The following BBS4 variants were observed in gnomAD, a reference collection of about 807,000 sequenced individuals.
The protein encoded by BBS4 is Bardet-Biedl syndrome 4.
A neutral mutation model predicts 71.4 loss-of-function variants in BBS4; 58 were observed. That is an observed-to-expected ratio of 0.81 (90% confidence interval 0.66 to 1.01). BBS4 has a LOEUF of 1.01. Among genes scored for constraint, BBS4 ranks in the 50% least tolerant of loss-of-function variants. The pLI is 0.00. For missense variants in BBS4, 660 were observed against 607.9 expected, an observed-to-expected ratio of 1.09 and a Z score of -0.90; for synonymous variants, 228 against 216.8, an observed-to-expected ratio of 1.05 and a Z score of -0.46.
At chr15:72,709,985 A>G (rs745945165) in intron 3 of BBS4, among the ~76,000 whole-genome samples, 1 of 152,084 alleles carries the variant, frequency 6.6e-6, no homozygotes, top group Non-Finnish European at 1.5e-5. Context: ...CAACAAACAA[A>G]TATTAATTGC....
Position 72,712,256 on chromosome 15 carries a change from G to C in BBS4, c.169G>C (p.Glu57Gln). Residue 57 changes from glutamate to glutamine, a missense_variant, in exon 4 of 16, where the codon GAA becomes CAA. By Grantham distance (29) the Glu-to-Gln change is conservative. Transcript: ENST00000268057. ...DYEACKAVIK[E>Q]QLQETQGLCE... is the part of the protein sequence containing the mutation. ...CTCCCTCTTTCAGGCTGTTATCAAA[G>C]AACAGCTTCAAGAGACTCAGGGATT... is the stretch of plus-strand genomic sequence containing the variant. The C allele has an allele frequency of 6.2e-7, 1 of 1,613,914 alleles. No homozygotes were observed. The highest frequency in any genetic ancestry group is 8.5e-7 in the Non-Finnish European group (1 of 1,179,870).
intron 2 of BBS4, among the ~76,000 whole-genome samples, chr15:72,700,057 A>G (rs2065142897): frequency 6.6e-6 from 1 of 152,134 alleles, no homozygotes; most frequent in Non-Finnish European, 1.5e-5. Flanking sequence ...CTTCAGCTTC[A>G]GCCTCCTGAG....
intron 12 of BBS4, 102 bp downstream of exon 12, chr15:72,731,828 C>CT: frequency 7.2e-7 from 1 of 1,387,326 alleles, no homozygotes; most frequent in South Asian, 1.2e-5. Flanking sequence ...GAGCCATTCC[C>CT]TTAGAGATCC....
rs527603879 is a variant in BBS4 at position 72,707,181 on chromosome 15, T to C, written c.77-2519T>C. Among the ~76,000 whole-genome samples, 10 of 144,098 alleles carry C rather than the reference T, an allele frequency of 6.9e-5. No individual in the cohort carries two copies. The South Asian group carries it at 8.8e-4, about 13-fold the overall frequency. The allele number at this position is 144,098 out of a possible 152,430, so 94.5% of individuals were successfully genotyped here. A position where few individuals can be genotyped will look rare whatever the true frequency, so the allele number is the denominator to read the frequency against. ...TTCCCTTTCTTTTCCTTTTTTCTTT[T>C]CTTTTTTTTTTTTTGGAGACAGAAT... On this transcript the variant is annotated intron_variant, in intron 2 of 15. Transcript: ENST00000268057.
chr15:72,695,450 GCTAAC>G (rs1364465305), intron 2 of BBS4, among the ~76,000 whole-genome samples: 1 of 152,038 alleles, frequency 6.6e-6, no homozygotes. Flanking sequence ...ACCACACCTG[GCTAAC>G]TTTTGTGTTT....
intron 12 of BBS4, among the ~76,000 whole-genome samples, chr15:72,732,255 A>G (rs1331550288): frequency 6.6e-6 from 1 of 152,194 alleles, no homozygotes; most frequent in Non-Finnish European, 1.5e-5. Context: ...CCCCTAGGTG[A>G]TACTTCCAAG....
chr15:72,723,982 A>G (rs2065622056), intron 7 of BBS4, among the ~76,000 whole-genome samples: 1 of 152,230 alleles, frequency 6.6e-6, no homozygotes, highest in Non-Finnish European at 1.5e-5. Context: ...GAATGACTAA[A>G]CAAAGCCCTT....
intron 2 of BBS4, among the ~76,000 whole-genome samples, 176 bp downstream of exon 2, chr15:72,695,404 C>T (rs2065059068): frequency 6.6e-6 from 1 of 152,092 alleles, no homozygotes; most frequent in Admixed American, 6.6e-5. Context: ...TCTCCTGCCT[C>T]AGCCTCCCGA....
chr15:72,731,014 C>A (rs1250879276), intron 10 of BBS4, among the ~76,000 whole-genome samples: 2 of 145,532 alleles, frequency 1.4e-5, no homozygotes, highest in East Asian at 4.0e-4. Context: ...GAAATACTGA[C>A]TTTCCTGGCT....
chr15:72,722,063 CAG>C (rs2065586385), intron 6 of BBS4, among the ~76,000 whole-genome samples: 1 of 152,188 alleles, frequency 6.6e-6, no homozygotes, highest in Admixed American at 6.5e-5. Context: ...TAGCTTCATA[CAG>C]ACTCTGTTGC....
intron 6 of BBS4, among the ~76,000 whole-genome samples, chr15:72,719,912 A>C (rs2151028800): frequency 6.6e-6 from 1 of 151,780 alleles, no homozygotes; most frequent in Admixed American, 6.6e-5. Flanking sequence ...CACCATGCCC[A>C]GCTAATTTTT....
chr15:72,689,425 T>A (rs954305792), intron 1 of BBS4, among the ~76,000 whole-genome samples: 26 of 152,212 alleles, frequency 1.7e-4, no homozygotes, highest in Non-Finnish European at 1.5e-5. Flanking sequence ...CAGTATAGTT[T>A]AGAATTCTTA....
At chr15:72,712,451 A>C (rs540832737) in intron 4 of BBS4, 144 bp downstream of exon 4, 3 of 815,320 alleles carry the variant, frequency 3.7e-6, no homozygotes, top group South Asian at 2.9e-5. Flanking sequence ...ATGTGTTGTT[A>C]GGCAATTTTG....
intron 2 of BBS4, among the ~76,000 whole-genome samples, chr15:72,702,983 G>T (rs1431198872): frequency 2.1e-5 from 2 of 93,986 alleles, no homozygotes; most frequent in Admixed American, 1.4e-4. Context: ...AATTTTTTTT[G>T]TATTTTTAGT....
At position 72,731,065 on chromosome 15, in the gene BBS4, CTTTTTTTTTTTTTTTT is replaced by C. The variant is rs35004414; in HGVS notation, c.712-224_712-209del. Among the ~76,000 whole-genome samples the C allele has an allele frequency of 1.8e-4, 14 of 77,636 alleles. No individual in the cohort carries two copies. In the East Asian group the frequency reaches 2.0e-3, roughly 11 times the overall value. The allele number at this position is 77,636 out of a possible 152,430, so 50.9% of individuals were successfully genotyped here. ...ATGGGTAAAGCAAGTAACATTTTAT[CTTTTTTTTTTTTTTTT>C]TTTTTTTTTTTTTTTGTGCTGTGCC... On this transcript the variant is annotated intron_variant, in intron 10 of 15. Coordinates refer to ENST00000268057, the MANE Select transcript of BBS4 (RefSeq NM_033028.5).
chr15:72,731,374 G>C lies in BBS4; in HGVS notation c.781G>C (p.Val261Leu). The C allele has an allele frequency of 3.1e-6, 5 of 1,614,122 alleles. No homozygotes were observed. Among genetic ancestry groups the C allele is most frequent in the Non-Finnish European group, 3.4e-6 (4 of 1,180,022 alleles). Reference sequence around the variant, plus strand: ...TGATGTTGCCCTCACCAAATACAGAGTTGTGGCTTGTGCTGTTCCAGAAAG... The same window carrying C: ...TGATGTTGCCCTCACCAAATACAGACTTGTGGCTTGTGCTGTTCCAGAAAG... ...DFDVALTKYR[V>L]VACAVPESPP... The change falls in exon 11 of 16, where the codon GTT (valine) becomes CTT (leucine). Residue 261 changes from valine (V) to leucine (L), a missense_variant. Coordinates refer to ENST00000268057, the MANE Select transcript of BBS4 (RefSeq NM_033028.5).
intron 3 of BBS4, among the ~76,000 whole-genome samples, chr15:72,710,639 T>C (rs896534345): frequency 2.0e-5 from 3 of 152,200 alleles, no homozygotes; most frequent in Non-Finnish European, 1.5e-5. Context: ...ACAGTGGTAG[T>C]ACTAACATGC....
intron 2 of BBS4, among the ~76,000 whole-genome samples, chr15:72,698,234 A>G (rs2065111034): frequency 6.6e-6 from 1 of 152,178 alleles, no homozygotes; most frequent in African/African-American, 2.4e-5. Context: ...ATAATTTATT[A>G]TTGTAAAATA....
chr15:72,689,679 G>GC lies in BBS4; in HGVS notation c.24+3430dup, dbSNP rs1244062563. On this transcript the variant is annotated intron_variant, in intron 1 of 15. Coordinates refer to ENST00000268057, the MANE Select transcript of BBS4 (RefSeq NM_033028.5). ...TGAGGCTCCAGTGAGCCATGATCAT[G>GC]CCACTGGACTCCAGCAGGGGCAGAG... Among the ~76,000 whole-genome samples the GC allele has an allele frequency of 2.0e-5, 3 of 151,296 alleles. No homozygotes were observed. In the East Asian group the frequency reaches 5.9e-4, roughly 30 times the overall value.
Sources: allele counts gnomAD v4.1 joint callset (sites outside exome capture counted in the v4.1 genomes callset), GRCh38; gene constraint gnomAD v4.1.1; transcripts MANE v1.5; gene names NCBI Gene and HGNC (gene_info 2026-07-23, HGNC 2026-07-21).